Variants in ANTXR2 observed in about 807,000 individuals in gnomAD.
The protein encoded by ANTXR2 is anthrax toxin receptor 2.
Under a neutral mutation model 73.7 loss-of-function variants are expected in ANTXR2, and 44 were observed. The ratio of observed to expected loss-of-function variants is 0.60; its 90% CI spans 0.47 to 0.77. ANTXR2 has a LOEUF of 0.77. ANTXR2 is among the 30% of genes least tolerant of loss of function. The probability of loss-of-function intolerance (pLI) is 0.00; values close to 1 mark genes in which losing one functional copy is unlikely to be tolerated. For synonymous variants in ANTXR2, 217 were observed against 205.9 expected (o/e 1.05, Z -0.46); for missense variants, 604 against 592.5 (o/e 1.02, Z -0.20).
chr4:80,070,915 G>C (rs1414193468), intron 2 of ANTXR2, among the ~76,000 whole-genome samples: 3 of 151,920 alleles, frequency 2.0e-5, no homozygotes, highest in Non-Finnish European at 4.4e-5. Context: ...CTAGTGTCCT[G>C]AGGTTATTTT....
At position 80,072,815 on chromosome 4, in the gene ANTXR2, C is replaced by T. The variant is rs1233691512; in HGVS notation, c.-255G>A. 1.1e-6 allele frequency: 1 copy of T among 872,206 alleles called. No individual in the cohort carries two copies. The highest frequency in any genetic ancestry group is 1.8e-5 in the African/African-American group (1 of 56,672). 54.0% of individuals were successfully genotyped at this position (872,206 alleles called of 1,614,324 possible). A position where few individuals can be genotyped will look rare whatever the true frequency, so the allele number is the denominator to read the frequency against. On this transcript the variant is annotated 5_prime_UTR_variant, in exon 1 of 17. Transcript: ENST00000403729. ...TGACGAATCCCAGTGGAAGCGCGATCCAGTCCTCCCCCTCCCGATTCCGGA... is the reference window on the plus strand; with the variant it reads ...TGACGAATCCCAGTGGAAGCGCGATTCAGTCCTCCCCCTCCCGATTCCGGA...
intron 16 of ANTXR2, among the ~76,000 whole-genome samples, chr4:79,923,846 C>T (rs1727681770): frequency 6.6e-6 from 1 of 152,066 alleles, no homozygotes; most frequent in South Asian, 2.1e-4. Flanking sequence ...AGAGCACATG[C>T]GCTGTCTCTA....
chr4:79,990,610 T>C (rs1730423255), intron 12 of ANTXR2, among the ~76,000 whole-genome samples: 1 of 152,110 alleles, frequency 6.6e-6, no homozygotes. Context: ...AACATCATTT[T>C]TCATAGAATT....
intron 16 of ANTXR2, among the ~76,000 whole-genome samples, chr4:79,908,782 T>G (rs1727015538): frequency 1.3e-5 from 2 of 152,126 alleles, no homozygotes; most frequent in Non-Finnish European, 2.9e-5. Flanking sequence ...AGGTCATAGG[T>G]CATGTACTCC....
Position 80,055,427 on chromosome 4 carries a change from G to C in ANTXR2, c.419C>G (p.Ser140Cys). The C allele has an allele frequency of 6.2e-7, 1 of 1,611,006 alleles. No individual in the cohort carries two copies. Among genetic ancestry groups the C allele is most frequent in the African/African-American group, 1.3e-5 (1 of 74,794 alleles). The change falls in exon 5 of 17, where the codon TCC (serine) becomes TGC (cysteine). Residue 140 changes from serine to cysteine, a missense_variant. By Grantham distance (112) the Ser-to-Cys change is moderately radical (BLOSUM62 -1). Coordinates refer to ENST00000403729, the MANE Select transcript of ANTXR2 (RefSeq NM_058172.6). Reference protein sequence around the residue: ...QIQKAGGLKTSSIIIALTDGK... With the variant: ...QIQKAGGLKTCSIIIALTDGK... ...ATCTGTCAGAGCAATTATGATACTG[G>C]AGGTTTTCAAGCCTCCTGCTTTCTG... is the stretch of plus-strand genomic sequence containing the variant.
intron 12 of ANTXR2, among the ~76,000 whole-genome samples, chr4:79,997,089 A>G (rs1477131060): frequency 6.6e-6 from 1 of 151,900 alleles, no homozygotes; most frequent in Non-Finnish European, 1.5e-5. Context: ...TAGCTGCTTC[A>G]GGCAACAGTC....
At position 79,907,425 on chromosome 4, in the gene ANTXR2, C is replaced by T. The variant is rs1726958980; in HGVS notation, c.*4G>A. The stretch of plus-strand genomic sequence containing the variant: ...CGTACCTTCTTGGTCTTCCTGCTTC[C>T]CTTTTACTGAGATGGAACTCGGGAG... On this transcript the variant is annotated 3_prime_UTR_variant, in exon 17 of 17. Transcript: ENST00000403729. 1 of 1,612,258 alleles carries T rather than the reference C, an allele frequency of 6.2e-7. No individual in the cohort carries two copies. The highest frequency in any genetic ancestry group is 8.5e-7 in the Non-Finnish European group (1 of 1,178,958).
At chr4:80,063,516 T>C (rs7668376) in intron 3 of ANTXR2, among the ~76,000 whole-genome samples, 92,383 of 151,798 alleles carry the variant, frequency 0.61, 29,923 homozygotes, top group African/African-American at 0.83. Context: ...GAAGGTTTTT[T>C]CCACCTTCAA....
intron 16 of ANTXR2, among the ~76,000 whole-genome samples, chr4:79,947,275 T>A (rs1728550534): frequency 6.6e-6 from 1 of 152,152 alleles, no homozygotes; most frequent in South Asian, 2.1e-4. Context: ...AAAAAGTAAT[T>A]ATTCTGCTTT....
At chr4:80,018,849 TG>T in intron 11 of ANTXR2, 48 bp downstream of exon 11, 1 of 1,324,370 alleles carries the variant, frequency 7.6e-7, no homozygotes, top group Non-Finnish European at 1.0e-6. Flanking sequence ...AGATTATTTC[TG>T]GATGGAATTG....
chr4:79,924,858 T>G (rs564741695), intron 16 of ANTXR2, among the ~76,000 whole-genome samples: 1 of 152,244 alleles, frequency 6.6e-6, no homozygotes, highest in South Asian at 2.1e-4. Context: ...AAGGTCCTAG[T>G]GTTCATGTAT....
chr4:79,926,976 T>TACACATGTGCATATATGTGTATATATAC (rs1553925982), intron 16 of ANTXR2, among the ~76,000 whole-genome samples: 129 of 90,610 alleles, frequency 1.4e-3, no homozygotes, highest in African/African-American at 4.9e-3. Context: ...TGTGTATATA[T>TACACATGTGCATATATGTGTATATATAC]ACGTGTGCAT....
rs188177672 is a variant in ANTXR2 at position 79,980,731 on chromosome 4, G to T, written c.1180-2557C>A. Among the ~76,000 whole-genome samples, 694 of 152,074 alleles carry T rather than the reference G, an allele frequency of 4.6e-3. 10 individuals carry two copies. Among genetic ancestry groups the T allele is most frequent in the African/African-American group, 0.016 (660 of 41,472 alleles). ...AACAGCTGTTATTAACATCATCTCC[G>T]TTCCAGCTTTCTAAAAATTCCCATT... On this transcript the variant is annotated intron_variant, in intron 14 of 16. Transcript: ENST00000403729.
At chr4:79,915,139 GA>G (rs1197812657) in intron 16 of ANTXR2, among the ~76,000 whole-genome samples, 6 of 152,130 alleles carry the variant, frequency 3.9e-5, no homozygotes, top group Admixed American at 2.0e-4. Context: ...TAATAAGTAA[GA>G]AGGGAATGGA....
At chr4:80,034,715 T>C (rs907791623) in intron 8 of ANTXR2, among the ~76,000 whole-genome samples, 1 of 152,182 alleles carries the variant, frequency 6.6e-6, no homozygotes, top group African/African-American at 2.4e-5. Flanking sequence ...GAGGCCTAAG[T>C]GTTTTTGCCT....
Position 80,072,809 on chromosome 4 carries a change from C to A in ANTXR2, c.-249G>T. 3 of 955,478 alleles carry A rather than the reference C, an allele frequency of 3.1e-6. No homozygotes were observed. Among genetic ancestry groups the A allele is most frequent in the Admixed American group, 4.3e-5 (1 of 23,068 alleles). 59.2% of individuals were successfully genotyped at this position (955,478 alleles called of 1,614,324 possible). On this transcript the variant is annotated 5_prime_UTR_variant, in exon 1 of 17. Coordinates refer to ENST00000403729, the MANE Select transcript of ANTXR2 (RefSeq NM_058172.6). Reference sequence around the variant, plus strand: ...AACTCTTGACGAATCCCAGTGGAAGCGCGATCCAGTCCTCCCCCTCCCGAT... The same window carrying A: ...AACTCTTGACGAATCCCAGTGGAAGAGCGATCCAGTCCTCCCCCTCCCGAT...
intron 16 of ANTXR2, among the ~76,000 whole-genome samples, chr4:79,920,261 T>A (rs1364909057): frequency 6.6e-6 from 1 of 152,010 alleles, no homozygotes; most frequent in East Asian, 1.9e-4. Flanking sequence ...ATGCAAACGA[T>A]GTGTCTGGGA....
rs73828807 is a variant in ANTXR2 at position 79,914,513 on chromosome 4, C to T, written c.1429-7046G>A. Among the ~76,000 whole-genome samples, 314 of 152,108 alleles carry T rather than the reference C, an allele frequency of 2.1e-3. 2 individuals carry two copies. Among genetic ancestry groups the T allele is most frequent in the African/African-American group, 7.2e-3 (298 of 41,508 alleles). ...TCTCAGTCACGGAGAATATCTGAAC[C>T]CCTCTTAACCTCTACAATCCTCCAA... On this transcript the variant is annotated intron_variant, in intron 16 of 16. Transcript: ENST00000403729.
At chr4:80,050,440 A>T (rs1733720833) in intron 7 of ANTXR2, among the ~76,000 whole-genome samples, 1 of 151,600 alleles carries the variant, frequency 6.6e-6, no homozygotes, top group African/African-American at 2.4e-5. Context: ...GGACTGCCCG[A>T]CAGAAGGATC....
Sources: allele counts gnomAD v4.1 joint callset (sites outside exome capture counted in the v4.1 genomes callset), GRCh38; gene constraint gnomAD v4.1.1; transcripts MANE v1.5; gene names NCBI Gene and HGNC (gene_info 2026-07-23, HGNC 2026-07-21).